FSCN3: variants seen among roughly 807,000 people sequenced by gnomAD.
The protein encoded by FSCN3 is fascin actin-bundling protein 3, also known as fascin-3.
Under a neutral mutation model 53.5 loss-of-function variants are expected in FSCN3, and 43 were observed. The observed-to-expected ratio is 0.80, with a 90% CI of 0.63 to 1.04. FSCN3 has a LOEUF of 1.04. Among genes scored for constraint, FSCN3 ranks in the 50% least tolerant of loss-of-function variants. The pLI is 0.00. For missense variants in FSCN3, 594 were observed against 646.5 expected (o/e 0.92, Z 0.88); for synonymous variants, 235 against 246.6 (o/e 0.95, Z 0.44).
chr7:127,600,338 A>T lies in FSCN3; in HGVS notation c.1436A>T (p.Gln479Leu). 1 of 1,613,740 alleles carries T rather than the reference A, an allele frequency of 6.2e-7. No homozygotes were observed. The highest frequency in any genetic ancestry group is 8.5e-7 in the Non-Finnish European group (1 of 1,179,574). The change falls in exon 6 of 7, where the codon CAA (glutamine) becomes CTA (leucine). Residue 479 changes from glutamine (Q) to leucine (L), a missense_variant. Gln to Leu is a moderately radical substitution (Grantham distance 113). Transcript: ENST00000265825. Reference protein sequence around the residue: ...APNGFYMRADQSGTLLADSED... With the variant: ...APNGFYMRADLSGTLLADSED... ...AATGGCTTCTACATGCGAGCCGACCAAAGTGGCACCCTGTTGGCAGACAGT... is the reference window on the plus strand; with the variant it reads ...AATGGCTTCTACATGCGAGCCGACCTAAGTGGCACCCTGTTGGCAGACAGT...
chr7:127,595,777 G>C lies in FSCN3; in HGVS notation c.615G>C (p.Leu205=), dbSNP rs774367278. 6 of 1,614,010 alleles carry C rather than the reference G, an allele frequency of 3.7e-6. No homozygotes were observed. In the South Asian group the frequency reaches 6.6e-5, roughly 18 times the overall value. Residue 205 remains leucine, a synonymous_variant, in exon 2 of 7, where the codon CTG becomes CTC. Transcript: ENST00000265825. ...THHFLSHVDR[L]FSQPSSQTAF... ...ACTTCTTGTCCCATGTAGACCGGCT[G>C]TTCTCCCAACCCTCATCACAGACAG...
chr7:127,595,573 C>A lies in FSCN3; in HGVS notation c.411C>A (p.Thr137=), dbSNP rs757681422. ...TCCTCTCAGCTTACCACATGTGGAC[C>A]CCCCGACCAGCCCTCCATGTCCACG... ...SHVLSAYHMW[T]PRPALHVHVI... The change falls in exon 2 of 7, where the codon ACC becomes ACA. Residue 137 remains threonine, a synonymous_variant. Coordinates refer to ENST00000265825, the MANE Select transcript of FSCN3 (RefSeq NM_020369.3). The A allele has an allele frequency of 5.0e-6, 8 of 1,614,006 alleles. 1 individual carries two copies. Among genetic ancestry groups the A allele is most frequent in the South Asian group, 4.4e-5 (4 of 91,084 alleles).
At chr7:127,599,310 C>T (rs1794435580) in intron 4 of FSCN3, 71 bp from the exon 5 acceptor site, 2 of 1,170,812 alleles carry the variant, frequency 1.7e-6, no homozygotes, top group East Asian at 4.7e-5. Flanking sequence ...ATTAGCGTCC[C>T]CCCTCCTGCT....
chr7:127,596,293 G>C (rs780468750), intron 2 of FSCN3, 35 bp from the exon 3 acceptor site: 47 of 1,557,540 alleles, frequency 3.0e-5, no homozygotes, highest in Non-Finnish European at 3.6e-5. Flanking sequence ...CCGAGACTGA[G>C]GGGAGGCTTT....
rs1794425326 is a variant in FSCN3 at position 127,598,558 on chromosome 7, C to A, written c.1084C>A (p.Pro362Thr). The change falls in exon 4 of 7, where the codon CCC becomes ACC. Residue 362 changes from proline to threonine, a missense_variant. Transcript: ENST00000265825. ...CAGGGGGCGCTTCCTGGGCATTGCA[C>A]CCAACAGCCTGCTGATGGCCAATGT... ...SCRGRFLGIA[P>T]NSLLMANVIL... 6.2e-7 allele frequency: 1 copy of A among 1,612,884 alleles called. No individual in the cohort carries two copies. Among genetic ancestry groups the A allele is most frequent in the Non-Finnish European group, 8.5e-7 (1 of 1,179,232 alleles).
In FSCN3 at chr7:127,595,735, G is replaced by A. The variant is rs1189778057; in HGVS notation, c.573G>A (p.Leu191=). The change falls in exon 2 of 7, where the codon CTG becomes CTA. Residue 191 remains leucine (L), a synonymous_variant. Transcript: ENST00000265825. ...ATTTCCGAGATGGATGCTACCACCT[G>A]GAGACCTCTACACACCACTTCTTGT... is the stretch of plus-strand genomic sequence containing the variant. ...LLHFRDGCYH[L]ETSTHHFLSH... is the part of the protein sequence containing the mutation. 6.2e-7 allele frequency: 1 copy of A among 1,613,232 alleles called. No individual in the cohort carries two copies. Among genetic ancestry groups the A allele is most frequent in the Non-Finnish European group, 8.5e-7 (1 of 1,179,584 alleles).
Position 127,598,494 on chromosome 7 carries a change from A to G in FSCN3, c.1020A>G (p.Arg340=). 1 of 1,614,052 alleles carries G rather than the reference A, an allele frequency of 6.2e-7. No individual in the cohort carries two copies. Among genetic ancestry groups the G allele is most frequent in the Non-Finnish European group, 8.5e-7 (1 of 1,179,900 alleles). ...CCCTGGAGTCTGACACGTTCTTCCG[A>G]ATGCACTGGAACTGTGGCAGGATCA... is the stretch of plus-strand genomic sequence containing the variant. ...GHPLESDTFF[R]MHWNCGRIIL... is the part of the protein sequence containing the mutation. Residue 340 remains arginine (R), a synonymous_variant, in exon 4 of 7, where the codon CGA becomes CGG. Transcript: ENST00000265825.
intron 2 of FSCN3, 86 bp from the exon 3 acceptor site, chr7:127,596,242 G>A (rs1429785683): frequency 1.3e-6 from 2 of 1,538,918 alleles, no homozygotes; most frequent in East Asian, 2.3e-5. Flanking sequence ...AGTTTGAGGA[G>A]GGAGGGACAG....
chr7:127,595,975 G>GA lies in FSCN3; in HGVS notation c.814dup (p.Thr272AsnfsTer12). On this transcript the variant is annotated frameshift_variant, in exon 2 of 7. Transcript: ENST00000265825. LOFTEE classifies it high-confidence loss of function. ...CAACCTGGGTCAGCCTCAGGTCAAA[G>GA]ACTGGGCGGTTCATCTCAGTCATCT... The GA allele has an allele frequency of 6.4e-7, 1 of 1,565,364 alleles. No individual in the cohort carries two copies. The highest frequency in any genetic ancestry group is 8.7e-7 in the Non-Finnish European group (1 of 1,154,254).
At chr7:127,597,480 ATT>A (rs11415174) in intron 3 of FSCN3, among the ~76,000 whole-genome samples, 89 of 142,648 alleles carry the variant, frequency 6.2e-4, no homozygotes, top group East Asian at 5.6e-3. Flanking sequence ...AAGGTTTAGA[ATT>A]TTTTTTTTTT....
rs770614291 is a variant in FSCN3, at chr7:127,596,309, A to G, written c.842-19A>G. ...CGAGACTGAGGGGAGGCTTTTACTG[A>G]CATGCGCTTCCTCTGCAGATGGTGA... is the stretch of plus-strand genomic sequence containing the variant. On this transcript the variant is annotated intron_variant, in intron 2 of 6. Coordinates refer to ENST00000265825, the MANE Select transcript of FSCN3 (RefSeq NM_020369.3). 1.9e-6 allele frequency: 3 copies of G among 1,574,834 alleles called. No homozygotes were observed. The highest frequency in any genetic ancestry group is 2.6e-6 in the Non-Finnish European group (3 of 1,144,604).
chr7:127,594,160 C>CTGTGTGTGTGTGTG (rs749215425), intron 1 of FSCN3, among the ~76,000 whole-genome samples, 163 bp downstream of exon 1: 2 of 89,206 alleles, frequency 2.2e-5, no homozygotes, highest in Admixed American at 2.6e-4. Flanking sequence ...AGTGGCCAAG[C>CTGTGTGTGTGTGTG]TGTGTGTGTG....
chr7:127,593,909 G>A lies in FSCN3; in HGVS notation c.56G>A (p.Gly19Glu). The change falls in exon 1 of 7, where the codon GGG (glycine) becomes GAG (glutamate). Residue 19 changes from glycine to glutamate, a missense_variant. Physicochemically the swap from Gly to Glu is moderately conservative, Grantham distance 98. Coordinates refer to ENST00000265825, the MANE Select transcript of FSCN3 (RefSeq NM_020369.3). ...RHPKAEDLRV[G>E]LISWAGTYLT... The stretch of plus-strand genomic sequence containing the variant: ...CCCAAGGCTGAGGACCTAAGGGTTG[G>A]GCTCATCAGCTGGGCAGGAACCTAC... 1 of 1,599,848 alleles carries A rather than the reference G, an allele frequency of 6.3e-7. No individual in the cohort carries two copies. Among genetic ancestry groups the A allele is most frequent in the Non-Finnish European group, 8.5e-7 (1 of 1,172,998 alleles).
At position 127,593,807 on chromosome 7, in the gene FSCN3, G is replaced by A. The variant is rs372024798; in HGVS notation, c.-47G>A. 2.3e-4 allele frequency: 354 copies of A among 1,549,716 alleles called. No homozygotes were observed. Among genetic ancestry groups the A allele is most frequent in the South Asian group, 2.9e-4 (24 of 83,946 alleles). On this transcript the variant is annotated 5_prime_UTR_variant, in exon 1 of 7. Coordinates refer to ENST00000265825, the MANE Select transcript of FSCN3 (RefSeq NM_020369.3). ...TATGGCCTGTGGAACCTCACCACGG[G>A]GGGGAGGGCTGGGCCAGACGGAGAC... is the stretch of plus-strand genomic sequence containing the variant.
intron 6 of FSCN3, among the ~76,000 whole-genome samples, chr7:127,600,773 G>T (rs1193949173): frequency 6.6e-6 from 1 of 152,144 alleles, no homozygotes; most frequent in African/African-American, 2.4e-5. Flanking sequence ...TGAAAAAAAA[G>T]ATGTGCTTTC....
chr7:127,595,787 C>A lies in FSCN3; in HGVS notation c.625C>A (p.Pro209Thr), dbSNP rs904588020. 1 of 1,613,774 alleles carries A rather than the reference C, an allele frequency of 6.2e-7. No individual in the cohort carries two copies. Among genetic ancestry groups the A allele is most frequent in the Admixed American group, 1.7e-5 (1 of 60,008 alleles). The change falls in exon 2 of 7, where the codon CCC (proline) becomes ACC (threonine). Residue 209 changes from proline (P) to threonine (T), a missense_variant. Coordinates refer to ENST00000265825, the MANE Select transcript of FSCN3 (RefSeq NM_020369.3). The stretch of plus-strand genomic sequence containing the variant: ...CCATGTAGACCGGCTGTTCTCCCAA[C>A]CCTCATCACAGACAGCTTTTCACAT... ...LSHVDRLFSQPSSQTAFHMQV... is the reference protein window; with the variant it reads ...LSHVDRLFSQTSSQTAFHMQV...
chr7:127,593,999 T>A lies in FSCN3; in HGVS notation c.144+2T>A, dbSNP rs1794334598. On this transcript the variant is annotated splice_donor_variant, in intron 1 of 6. Coordinates refer to ENST00000265825, the MANE Select transcript of FSCN3 (RefSeq NM_020369.3). LOFTEE classifies it high-confidence loss of function. Reference sequence around the variant, plus strand: ...GCGAAGAGTTTGGGCAGGAGACAGGTGACAAAGCAAACCCATGCTGGCACC... The same window carrying A: ...GCGAAGAGTTTGGGCAGGAGACAGGAGACAAAGCAAACCCATGCTGGCACC... 1 of 1,612,550 alleles carries A rather than the reference T, an allele frequency of 6.2e-7. No individual in the cohort carries two copies. Among genetic ancestry groups the A allele is most frequent in the Non-Finnish European group, 8.5e-7 (1 of 1,179,526 alleles).
intron 3 of FSCN3, among the ~76,000 whole-genome samples, chr7:127,597,423 T>C (rs1478911217): frequency 6.6e-6 from 1 of 152,130 alleles, no homozygotes; most frequent in Non-Finnish European, 1.5e-5. Flanking sequence ...GCCACTCTAG[T>C]GGGTGTGTAA....
At position 127,595,352 on chromosome 7, in the gene FSCN3, G is replaced by C. The variant is rs772437691; in HGVS notation, c.190G>C (p.Val64Leu). The C allele has an allele frequency of 3.3e-5, 54 of 1,613,870 alleles. No homozygotes were observed. Among genetic ancestry groups the C allele is most frequent in the African/African-American group, 5.3e-5 (4 of 74,920 alleles). ...CAATGAGCATGAGACACAGGCCGTG[G>C]TGCGACTAAAGAGCGTGCAGGGCCT... ...VSNEHETQAV[V>L]RLKSVQGLYL... Residue 64 changes from valine to leucine, a missense_variant, in exon 2 of 7, where the codon GTG becomes CTG. Coordinates refer to ENST00000265825, the MANE Select transcript of FSCN3 (RefSeq NM_020369.3).
Sources: allele counts gnomAD v4.1 joint callset (sites outside exome capture counted in the v4.1 genomes callset), GRCh38; gene constraint gnomAD v4.1.1; transcripts MANE v1.5; gene names NCBI Gene and HGNC (gene_info 2026-07-23, HGNC 2026-07-21).